Variants in RYR2 observed in about 807,000 individuals in gnomAD.
RYR2 encodes the protein cardiac muscle ryanodine receptor-calcium release channel.
In RYR2, 227 loss-of-function variants were observed where a neutral mutation model predicts 601.1. The observed-to-expected ratio is 0.38, with a 90% CI of 0.34 to 0.42. The LOEUF is 0.42. Ranked by LOEUF, RYR2 falls within the 10% of genes least tolerant of loss-of-function variation. The pLI is 1.00. For synonymous variants in RYR2, 2,223 were observed against 2,175.1 expected, an observed-to-expected ratio of 1.02 and a Z score of -0.61; for missense variants, 4,646 against 6,156.5, an observed-to-expected ratio of 0.75 and a Z score of 8.21.
At chr1:237,051,801 G>T (rs1226494004) in intron 1 of RYR2, among the ~76,000 whole-genome samples, 1 of 152,176 alleles carries the variant, frequency 6.6e-6, no homozygotes, top group Non-Finnish European at 1.5e-5. Flanking sequence ...TGGAGCGACA[G>T]TTTCAGACCT....
chr1:237,119,471 C>T (rs1670531088), intron 1 of RYR2, among the ~76,000 whole-genome samples: 1 of 152,154 alleles, frequency 6.6e-6, no homozygotes, highest in Non-Finnish European at 1.5e-5. Flanking sequence ...TGCACCTGCG[C>T]CAGCATCTGA....
intron 1 of RYR2, among the ~76,000 whole-genome samples, chr1:237,060,198 A>G (rs34647600): frequency 0.19 from 28,620 of 152,132 alleles, 2,765 homozygotes; most frequent in Non-Finnish European, 0.19. Flanking sequence ...TATATATAAA[A>G]TTATATGATT....
rs551512570 is a variant in RYR2 at position 237,186,671 on chromosome 1, C to T, written c.49-83826C>T. ...CAAGACCCACTTGCATAAGAGTCCC[C>T]ATCACTGTGCCGAAAAGCACAGGCT... On this transcript the variant is annotated intron_variant, in intron 1 of 104. Coordinates refer to ENST00000366574, the MANE Select transcript of RYR2 (RefSeq NM_001035.3). 7.2e-5 allele frequency among the ~76,000 whole-genome samples: 11 copies of T among 152,310 alleles called. No individual in the cohort carries two copies. The East Asian group carries it at 2.1e-3, about 29-fold the overall frequency.
chr1:237,480,283 G>A (rs1181126348), intron 17 of RYR2, among the ~76,000 whole-genome samples: 1 of 151,298 alleles, frequency 6.6e-6, no homozygotes, highest in African/African-American at 2.4e-5. Flanking sequence ...GCTGGGTGTG[G>A]TGGCATGCGC....
At chr1:237,773,403 G>A in intron 86 of RYR2, 117 bp from the exon 87 acceptor site, 1 of 618,638 alleles carries the variant, frequency 1.6e-6, no homozygotes, top group Non-Finnish European at 2.8e-6. Flanking sequence ...AGATATTTTT[G>A]TTTGCTACCA....
chr1:237,822,603 A>G (rs1364648337), intron 101 of RYR2, among the ~76,000 whole-genome samples: 1 of 152,324 alleles, frequency 6.6e-6, no homozygotes, highest in East Asian at 1.9e-4. Context: ...CATTGACACT[A>G]TGAAGAAACT....
At chr1:237,488,516 C>T (rs1662951269) in intron 17 of RYR2, among the ~76,000 whole-genome samples, 4 of 152,162 alleles carry the variant, frequency 2.6e-5, no homozygotes, top group Admixed American at 2.6e-4. Flanking sequence ...TCTCCTAATA[C>T]CATTGTCAGG....
chr1:237,406,670 A>G (rs983448060), intron 10 of RYR2, among the ~76,000 whole-genome samples: 1 of 152,092 alleles, frequency 6.6e-6, no homozygotes, highest in South Asian at 2.1e-4. Flanking sequence ...TTGTATTACT[A>G]TATTAGTATT....
chr1:237,611,566 T>C (rs1368450329), intron 36 of RYR2, among the ~76,000 whole-genome samples: 1 of 152,168 alleles, frequency 6.6e-6, no homozygotes, highest in Non-Finnish European at 1.5e-5. Flanking sequence ...TTTTCTGTTT[T>C]TCCATATGAT....
intron 17 of RYR2, among the ~76,000 whole-genome samples, chr1:237,482,919 T>C (rs1371565584): frequency 6.6e-6 from 1 of 152,162 alleles, no homozygotes; most frequent in Non-Finnish European, 1.5e-5. Flanking sequence ...TGATATCTCA[T>C]TATAGTTTTG....
intron 92 of RYR2, among the ~76,000 whole-genome samples, chr1:237,789,612 G>A (rs763985485): frequency 2.6e-5 from 4 of 152,272 alleles, no homozygotes; most frequent in Non-Finnish European, 5.9e-5. Context: ...AAGGTTGAAT[G>A]GGCGCTGCAG....
At chr1:237,181,014 C>T (rs955704264) in intron 1 of RYR2, among the ~76,000 whole-genome samples, 3 of 151,878 alleles carry the variant, frequency 2.0e-5, no homozygotes, top group African/African-American at 7.3e-5. Context: ...GACAGAGCCT[C>T]ACTCTGTCAC....
At chr1:237,113,250 G>A (rs548790475) in intron 1 of RYR2, among the ~76,000 whole-genome samples, 5 of 151,948 alleles carry the variant, frequency 3.3e-5, no homozygotes, top group Admixed American at 3.3e-4. Context: ...CCAGACTGGG[G>A]TGCAGTGGCA....
At position 237,343,784 on chromosome 1, in the gene RYR2, G is replaced by C. The variant is rs577952985; in HGVS notation, c.274-12181G>C. 1.3e-3 allele frequency among the ~76,000 whole-genome samples: 194 copies of C among 147,308 alleles called. 1 individual carries two copies. Among genetic ancestry groups the C allele is most frequent in the African/African-American group, 4.6e-3 (186 of 40,194 alleles). ...CTAATGATACAGATATTTAAGTTTT[G>C]TTGATTTGTATGTAGTTTCCCCATA... On this transcript the variant is annotated intron_variant, in intron 3 of 104. Transcript: ENST00000366574.
intron 1 of RYR2, among the ~76,000 whole-genome samples, chr1:237,131,295 A>T (rs1672146257): frequency 6.6e-6 from 1 of 152,170 alleles, no homozygotes; most frequent in South Asian, 2.1e-4. Context: ...ATGGCCTGAT[A>T]GAAGAAAAGG....
At chr1:237,288,885 G>A (rs924817161) in intron 2 of RYR2, among the ~76,000 whole-genome samples, 1 of 152,132 alleles carries the variant, frequency 6.6e-6, no homozygotes, top group African/African-American at 2.4e-5. Context: ...CCTTCTGCCT[G>A]TGGAGTTTTA....
chr1:237,124,668 C>T (rs937057073), intron 1 of RYR2, among the ~76,000 whole-genome samples: 13 of 152,186 alleles, frequency 8.5e-5, no homozygotes, highest in Non-Finnish European at 1.5e-4. Context: ...CATCCTATCA[C>T]GCTGACCCAC....
intron 1 of RYR2, among the ~76,000 whole-genome samples, chr1:237,127,754 G>A (rs1220001614): frequency 6.7e-5 from 10 of 149,540 alleles, no homozygotes; most frequent in East Asian, 6.1e-4. Flanking sequence ...ACGGGGCGGC[G>A]GGGCAGAGGC....
chr1:237,748,305 G>A (rs979050643), intron 80 of RYR2, among the ~76,000 whole-genome samples: 2 of 151,450 alleles, frequency 1.3e-5, no homozygotes, highest in East Asian at 1.9e-4. Flanking sequence ...GTGCCTCCCC[G>A]GGGAAGGAGG....
Sources: allele counts gnomAD v4.1 joint callset (sites outside exome capture counted in the v4.1 genomes callset), GRCh38; gene constraint gnomAD v4.1.1; transcripts MANE v1.5; gene names NCBI Gene and HGNC (gene_info 2026-07-23, HGNC 2026-07-21).